Variants in AIMP2 observed in about 807,000 individuals in gnomAD.
AIMP2 encodes aminoacyl tRNA synthase complex-interacting multifunctional protein 2.
Under a neutral mutation model 23.4 loss-of-function variants are expected in AIMP2, and 20 were observed. The observed-to-expected ratio is 0.85, with a 90% confidence interval of 0.60 to 1.24. AIMP2 has a LOEUF of 1.24. AIMP2 is among the 50% of genes most tolerant of loss of function. The pLI is 0.00. For synonymous variants in AIMP2, 210 were observed against 170.4 expected, an observed-to-expected ratio of 1.23 and a Z score of -1.81; for missense variants, 515 against 414.5, an observed-to-expected ratio of 1.24 and a Z score of -2.10.
intron 1 of AIMP2, among the ~76,000 whole-genome samples, chr7:6,013,413 A>G (rs1224473543): frequency 7.3e-6 from 1 of 136,728 alleles, no homozygotes; most frequent in Non-Finnish European, 1.7e-5. Context: ...AGGCACCCAC[A>G]CCACACCTGG....
chr7:6,020,019 T>TC, intron 3 of AIMP2, among the ~76,000 whole-genome samples: 2 of 68,900 alleles, frequency 2.9e-5, no homozygotes, highest in South Asian at 3.8e-4. Flanking sequence ...AGACTCCATC[T>TC]CAAAAAAAAA....
chr7:6,017,887 A>G lies in AIMP2; in HGVS notation c.416A>G (p.His139Arg). Residue 139 changes from histidine (H) to arginine (R), a missense_variant, in exon 3 of 4, where the codon CAC becomes CGC. Physicochemically the swap from His to Arg is conservative, Grantham distance 29. Coordinates refer to ENST00000223029, the MANE Select transcript of AIMP2 (RefSeq NM_006303.4). The stretch of plus-strand genomic sequence containing the variant: ...CCTCCCCTCTCCCTGCTTGTGCTGC[A>G]CAGGCTGCTCTGTGAGCACTTCAGG... ...ASPPLSLLVL[H>R]RLLCEHFRVL... The G allele has an allele frequency of 6.2e-7, 1 of 1,614,040 alleles. No homozygotes were observed. The highest frequency in any genetic ancestry group is 8.5e-7 in the Non-Finnish European group (1 of 1,179,996).
At chr7:6,015,022 T>A in intron 1 of AIMP2, 124 bp from the exon 2 acceptor site, 1 of 1,523,140 alleles carries the variant, frequency 6.6e-7, no homozygotes, top group Non-Finnish European at 8.8e-7. Flanking sequence ...ACCCAGCCCA[T>A]AATGTCTTCT....
chr7:6,017,843 C>G lies in AIMP2; in HGVS notation c.372C>G (p.Ile124Met), dbSNP rs762237456. ...KDYGALKDIVINANPASPPLS... is the reference protein window; with the variant it reads ...KDYGALKDIVMNANPASPPLS... ...ACGGGGCGCTGAAAGACATCGTGAT[C>G]AACGCAAACCCGGCCTCCCCTCCCC... Residue 124 changes from isoleucine to methionine, a missense_variant, in exon 3 of 4, where the codon ATC becomes ATG. By Grantham distance (10) the Ile-to-Met change is conservative. Transcript: ENST00000223029. 1 of 1,614,002 alleles carries G rather than the reference C, an allele frequency of 6.2e-7. No individual in the cohort carries two copies. Among genetic ancestry groups the G allele is most frequent in the Non-Finnish European group, 8.5e-7 (1 of 1,179,984 alleles).
chr7:6,014,618 G>C (rs1476422300), intron 1 of AIMP2, among the ~76,000 whole-genome samples: 2 of 152,048 alleles, frequency 1.3e-5, no homozygotes, highest in Non-Finnish European at 2.9e-5. Flanking sequence ...GGGAAAATGA[G>C]ATGTTTCTGC....
chr7:6,018,478 G>A (rs1362366775), intron 3 of AIMP2, among the ~76,000 whole-genome samples: 1 of 151,162 alleles, frequency 6.6e-6, no homozygotes, highest in Non-Finnish European at 1.5e-5. Flanking sequence ...TAACTATCTT[G>A]GAAAATTTTT....
chr7:6,019,484 C>CAAAA (rs71008351), intron 3 of AIMP2, among the ~76,000 whole-genome samples: 1 of 111,942 alleles, frequency 8.9e-6, no homozygotes, highest in African/African-American at 3.3e-5. Flanking sequence ...GACTCCGTCT[C>CAAAA]AAAAAAAAAA....
chr7:6,009,974 A>AAAAAAAATACATATATATAT lies in AIMP2; in HGVS notation c.135+477_135+478insAAAAAATACATATATATATA. ...CAAAAAAAAAAAAAAAAAAAAAAAA[A>AAAAAAAATACATATATATAT]ATATATATATATATATATGTATGTA... On this transcript the variant is annotated intron_variant, in intron 1 of 3. Transcript: ENST00000223029. Among the ~76,000 whole-genome samples the AAAAAAAATACATATATATAT allele has an allele frequency of 1.5e-4, 4 of 26,674 alleles. 1 individual carries two copies. Among genetic ancestry groups the AAAAAAAATACATATATATAT allele is most frequent in the African/African-American group, 5.6e-4 (4 of 7,146 alleles). 17.5% of individuals were successfully genotyped at this position (26,674 alleles called of 152,430 possible).
At position 6,009,480 on chromosome 7, in the gene AIMP2, G is replaced by A. The variant is rs566052179; in HGVS notation, c.117G>A (p.Pro39=). 9 of 1,578,616 alleles carry A rather than the reference G, an allele frequency of 5.7e-6. No homozygotes were observed. In the African/African-American group the frequency reaches 1.2e-4, roughly 22 times the overall value. The change falls in exon 1 of 4, where the codon CCG becomes CCA. Residue 39 remains proline (P), a synonymous_variant. Coordinates refer to ENST00000223029, the MANE Select transcript of AIMP2 (RefSeq NM_006303.4). ...ACGGCAGGAGCTACGGCCCAGCGCC[G>A]GGCGCTGGCCACGTGCAGGTAGGAG... is the stretch of plus-strand genomic sequence containing the variant. ...NVHGRSYGPA[P]GAGHVQEESN...
At chr7:6,014,886 A>G in intron 1 of AIMP2, 1 of 511,208 alleles carries the variant, frequency 2.0e-6, no homozygotes, top group South Asian at 2.2e-5. Context: ...TGCCAGGCTA[A>G]TTTTTGTATT....
Position 6,023,657 on chromosome 7 carries a change from C to G in AIMP2, c.929C>G (p.Ala310Gly), listed in dbSNP as rs1194037382. ...QRWMRSCENL[A>G]PFNTALKLLK ...TGGATGAGGTCTTGTGAAAACCTGG[C>G]TCCTTTTAACACGGCCCTCAAGCTC... The change falls in exon 4 of 4, where the codon GCT becomes GGT. Residue 310 changes from alanine to glycine, a missense_variant. Ala to Gly is a moderately conservative substitution (Grantham distance 60). Transcript: ENST00000223029. 2.5e-6 allele frequency: 4 copies of G among 1,613,946 alleles called. No individual in the cohort carries two copies. Among genetic ancestry groups the G allele is most frequent in the Non-Finnish European group, 3.4e-6 (4 of 1,180,006 alleles).
chr7:6,017,814 G>A lies in AIMP2; in HGVS notation c.343G>A (p.Asp115Asn), dbSNP rs768501526. 5.0e-6 allele frequency: 8 copies of A among 1,612,902 alleles called. No homozygotes were observed. Among genetic ancestry groups the A allele is most frequent in the Non-Finnish European group, 6.8e-6 (8 of 1,179,414 alleles). ...ALDLNSVLGK[D>N]YGALKDIVIN... The stretch of plus-strand genomic sequence containing the variant: ...GTACATTGTCTTGGTCTTTCCCCAG[G>A]ATTACGGGGCGCTGAAAGACATCGT... Residue 115 changes from aspartate to asparagine, a missense_variant and splice_region_variant, in exon 3 of 4, where the codon GAT (aspartate) becomes AAT (asparagine). By Grantham distance (23) the Asp-to-Asn change is conservative. Transcript: ENST00000223029.
At chr7:6,009,946 T>A (rs1388967270) in intron 1 of AIMP2, among the ~76,000 whole-genome samples, 17 of 35,986 alleles carry the variant, frequency 4.7e-4, no homozygotes, top group Admixed American at 3.0e-3. Flanking sequence ...CTAAACTCTA[T>A]CTCAAAAAAA....
chr7:6,017,025 C>G (rs530577469), intron 2 of AIMP2: 75 of 152,870 alleles, frequency 4.9e-4, no homozygotes, highest in African/African-American at 1.6e-3. Context: ...ATAAACAAGG[C>G]TGTCAGTCTG....
chr7:6,009,974 A>AAAAAATATACATAT, intron 1 of AIMP2, among the ~76,000 whole-genome samples: 1 of 26,662 alleles, frequency 3.8e-5, no homozygotes, highest in African/African-American at 1.4e-4. Context: ...AAAAAAAAAA[A>AAAAAATATACATAT]ATATATATAT....
intron 1 of AIMP2, among the ~76,000 whole-genome samples, chr7:6,010,691 C>T (rs1431735452): frequency 9.2e-5 from 14 of 152,022 alleles, no homozygotes; most frequent in Non-Finnish European, 8.8e-5. Flanking sequence ...TCAAGAGATC[C>T]ACCCGCCTCG....
At chr7:6,012,983 G>A (rs546619935) in intron 1 of AIMP2, 26 of 982,464 alleles carry the variant, frequency 2.6e-5, no homozygotes, top group South Asian at 1.9e-4. Flanking sequence ...GATTAAGCCC[G>A]AAGGTAAATA....
intron 1 of AIMP2, chr7:6,012,846 C>T (rs1222774446): frequency 4.0e-6 from 4 of 998,702 alleles, no homozygotes; most frequent in Non-Finnish European, 4.8e-6. Context: ...GCCACTGTGC[C>T]TAGCCAGCAC....
In AIMP2 at chr7:6,018,016, A is replaced by T. The variant is rs755018110; in HGVS notation, c.545A>T (p.Gln182Leu). Residue 182 changes from glutamine (Q) to leucine (L), a missense_variant, in exon 3 of 4, where the codon CAG becomes CTG. Physicochemically the swap from Gln to Leu is moderately radical, Grantham distance 113 (BLOSUM62 -2). Transcript: ENST00000223029. ...AAAAAACAGCCCCGCCAAGACTATC[A>T]GCTGGGATTCACTTTAATTTGGAAG... ...QNKKQPRQDY[Q>L]LGFTLIWKNV... 30 of 1,614,030 alleles carry T rather than the reference A, an allele frequency of 1.9e-5. No homozygotes were observed. In the East Asian group the frequency reaches 6.2e-4, roughly 34 times the overall value.
Sources: gnomAD v4.1 joint callset for allele counts (sites outside exome capture counted in the v4.1 genomes callset) on GRCh38, gnomAD v4.1.1 for gene constraint, MANE v1.5 for transcripts, NCBI Gene and HGNC (gene_info 2026-07-23, HGNC 2026-07-21) for gene names.